Variants in SPRYD3 observed in about 807,000 individuals in gnomAD.
The protein encoded by SPRYD3 is SPRY domain-containing protein 3.
A neutral mutation model predicts 50.1 loss-of-function variants in SPRYD3; 17 were observed. The ratio of observed to expected loss-of-function variants is 0.34; its 90% CI spans 0.23 to 0.51. The LOEUF is 0.51. Among genes scored for constraint, SPRYD3 ranks in the 20% least tolerant of loss-of-function variants. The probability of loss-of-function intolerance (pLI) is 0.97; values close to 1 mark genes in which losing one functional copy is unlikely to be tolerated. For synonymous variants in SPRYD3, 198 were observed against 215.5 expected, an observed-to-expected ratio of 0.92 and a Z score of 0.71; for missense variants, 401 against 591.2, an observed-to-expected ratio of 0.68 and a Z score of 3.34.
intron 10 of SPRYD3, 46 bp downstream of exon 10, chr12:53,066,268 C>A: frequency 6.3e-7 from 1 of 1,594,976 alleles, no homozygotes; most frequent in South Asian, 1.2e-5. Context: ...CCACCCTTTG[C>A]CCAGACCCAA....
In SPRYD3 at chr12:53,075,006, A is replaced by G. The variant is rs539044809; in HGVS notation, c.371+89T>C. 5.2e-6 allele frequency: 8 copies of G among 1,553,392 alleles called. No individual in the cohort carries two copies. The African/African-American group carries it at 8.1e-5, about 16-fold the overall frequency. On this transcript the variant is annotated intron_variant, in intron 4 of 10. Transcript: ENST00000301463. ...GACCAGAAAAGTCTATGAAACACCCAATGGGAAAAGCCAGCCCAAGGTAGT... is the reference window on the plus strand; with the variant it reads ...GACCAGAAAAGTCTATGAAACACCCGATGGGAAAAGCCAGCCCAAGGTAGT...
At chr12:53,067,537 G>T in intron 8 of SPRYD3, 111 bp downstream of exon 8, 1 of 1,007,482 alleles carries the variant, frequency 9.9e-7, no homozygotes. Flanking sequence ...TCAGCCAGCA[G>T]CAGGGCAAAC....
At chr12:53,069,858 T>C (rs1184185742) in intron 6 of SPRYD3, among the ~76,000 whole-genome samples, 1 of 152,138 alleles carries the variant, frequency 6.6e-6, no homozygotes, top group African/African-American at 2.4e-5. Context: ...ATTGCAGAAC[T>C]GGGTGGGGGA....
chr12:53,076,934 G>A (rs1256725730), intron 2 of SPRYD3, among the ~76,000 whole-genome samples, 181 bp downstream of exon 2: 2 of 151,308 alleles, frequency 1.3e-5, no homozygotes, highest in Middle Eastern at 3.2e-3. Context: ...GGGTGACAGA[G>A]CGAGACTCTG....
intron 6 of SPRYD3, among the ~76,000 whole-genome samples, chr12:53,070,997 G>A (rs1420499131): frequency 6.6e-6 from 1 of 152,082 alleles, no homozygotes; most frequent in Non-Finnish European, 1.5e-5. Flanking sequence ...ACCAGAGTGT[G>A]GACAGTCTCG....
At position 53,065,885 on chromosome 12, in the gene SPRYD3, T is replaced by G. The variant is rs1944500400; in HGVS notation, c.1276A>C (p.Met426Leu). ...TTGACTTTCTCCCCGCAGCTCAGCA[T>G]TCCAATGGTGGGGAAGAAGCCTCCA... ...PSGGFFPTIG[M>L]LSCGEKVKVD... Residue 426 changes from methionine (M) to leucine (L), a missense_variant, in exon 11 of 11, where the codon ATG (methionine) becomes CTG (leucine). By Grantham distance (15) the Met-to-Leu change is conservative. Transcript: ENST00000301463. 1 of 1,614,012 alleles carries G rather than the reference T, an allele frequency of 6.2e-7. No individual in the cohort carries two copies.
Position 53,073,333 on chromosome 12 carries a change from A to C in SPRYD3, c.646T>G (p.Tyr216Asp), listed in dbSNP as rs1443649794. 1 of 1,546,366 alleles carries C rather than the reference A, an allele frequency of 6.5e-7. No homozygotes were observed. The highest frequency in any genetic ancestry group is 1.9e-5 in the Admixed American group (1 of 53,458). The change falls in exon 6 of 11, where the codon TAC (tyrosine) becomes GAC (aspartate). Residue 216 changes from tyrosine to aspartate, a missense_variant. By Grantham distance (160) the Tyr-to-Asp change is radical. Coordinates refer to ENST00000301463, the MANE Select transcript of SPRYD3 (RefSeq NM_032840.3). Reference sequence around the variant, plus strand: ...TGTAGCCGGCCCCATTCATCCTCGTAACTGTCCACCATCATGACGCTGTCG... The same window carrying C: ...TGTAGCCGGCCCCATTCATCCTCGTCACTGTCCACCATCATGACGCTGTCG... ...EDDSVMMVDS[Y>D]EDEWGRLHDV...
chr12:53,071,057 C>T (rs1295544105), intron 6 of SPRYD3, among the ~76,000 whole-genome samples: 2 of 152,170 alleles, frequency 1.3e-5, no homozygotes, highest in African/African-American at 4.8e-5. Context: ...GCCTCTTCTC[C>T]CCTGCCGGTA....
intron 6 of SPRYD3, 88 bp from the exon 7 acceptor site, chr12:53,068,392 C>T (rs1944525638): frequency 6.7e-7 from 1 of 1,489,548 alleles, no homozygotes; most frequent in East Asian, 2.3e-5. Flanking sequence ...GTCCCACTTT[C>T]CCAGGTCTGA....
At position 53,074,178 on chromosome 12, in the gene SPRYD3, C is replaced by A. The variant is rs1425205721; in HGVS notation, c.507+471G>T. Among the ~76,000 whole-genome samples, 1 of 152,174 alleles carries A rather than the reference C, an allele frequency of 6.6e-6. No homozygotes were observed. The highest frequency in any genetic ancestry group is 2.4e-5 in the African/African-American group (1 of 41,430). On this transcript the variant is annotated intron_variant, in intron 5 of 10. Coordinates refer to ENST00000301463, the MANE Select transcript of SPRYD3 (RefSeq NM_032840.3). This position sits in a 1 kb window ranked among gnomAD's most constrained non-coding sequence, Gnocchi z 4.6. ...GTCTCTCTCTACTATTGGCTCCTGTCCCATCTCCTCACCACGCCTAGTCTC... is the reference window on the plus strand; with the variant it reads ...GTCTCTCTCTACTATTGGCTCCTGTACCATCTCCTCACCACGCCTAGTCTC...
chr12:53,066,598 G>C lies in SPRYD3; in HGVS notation c.996C>G (p.Pro332=). 6.2e-7 allele frequency: 1 copy of C among 1,613,968 alleles called. No individual in the cohort carries two copies. Among genetic ancestry groups the C allele is most frequent in the Non-Finnish European group, 8.5e-7 (1 of 1,179,942 alleles). ...GDIMGCGIMF[P]RDYILDSEGD... Reference sequence around the variant, plus strand: ...CCTCACTGTCCAAAATGTAGTCCCGGGGGAACATGATTCCACAGCCCATGA... The same window carrying C: ...CCTCACTGTCCAAAATGTAGTCCCGCGGGAACATGATTCCACAGCCCATGA... Residue 332 remains proline, a synonymous_variant, in exon 9 of 11, where the codon CCC becomes CCG. Coordinates refer to ENST00000301463, the MANE Select transcript of SPRYD3 (RefSeq NM_032840.3).
At position 53,065,865 on chromosome 12, in the gene SPRYD3, T is replaced by C; in HGVS notation, c.1296A>G (p.Lys432=). 1 of 1,613,714 alleles carries C rather than the reference T, an allele frequency of 6.2e-7. No individual in the cohort carries two copies. The highest frequency in any genetic ancestry group is 8.5e-7 in the Non-Finnish European group (1 of 1,179,870). ...PTIGMLSCGE[K]VKVDLHPLSG ...TCAAGGGGTGCAGATCTACTTTGACTTTCTCCCCGCAGCTCAGCATTCCAA... is the reference window on the plus strand; with the variant it reads ...TCAAGGGGTGCAGATCTACTTTGACCTTCTCCCCGCAGCTCAGCATTCCAA... The change falls in exon 11 of 11, where the codon AAA becomes AAG. Residue 432 remains lysine (K), a synonymous_variant. Coordinates refer to ENST00000301463, the MANE Select transcript of SPRYD3 (RefSeq NM_032840.3).
intron 2 of SPRYD3, among the ~76,000 whole-genome samples, chr12:53,076,727 C>G (rs984960307): frequency 2.6e-4 from 40 of 152,108 alleles, no homozygotes; most frequent in African/African-American, 9.2e-4. Context: ...GCGGGTGGAT[C>G]ACTTGAAGTC....
intron 8 of SPRYD3, 39 bp from the exon 9 acceptor site, chr12:53,066,731 G>C: frequency 6.4e-7 from 1 of 1,571,318 alleles, no homozygotes; most frequent in Non-Finnish European, 8.6e-7. Context: ...CTTGAGGAAG[G>C]AGGGCTGACA....
At chr12:53,069,646 A>G (rs1426175845) in intron 6 of SPRYD3, among the ~76,000 whole-genome samples, 1 of 152,148 alleles carries the variant, frequency 6.6e-6, no homozygotes, top group Non-Finnish European at 1.5e-5. Context: ...ATGAGGGGGA[A>G]AGCAGCATGC....
chr12:53,077,207 AT>A lies in SPRYD3; in HGVS notation c.77del (p.Asn26IlefsTer26). On this transcript the variant is annotated frameshift_variant, in exon 2 of 11. Transcript: ENST00000301463. LOFTEE classifies it high-confidence loss of function. Reference protein sequence around the residue: ...DDLNLHYRFLNWRRRIREIRE... With the variant: ...DDLNLHYRFLXWRRRIREIRE... ...GAATCTCCCGGATCCGCCGGCGCCA[AT>A]TCAGAAACCGGTAGTGCAGGTTGAG... The A allele has an allele frequency of 6.2e-7, 1 of 1,614,222 alleles. No homozygotes were observed. The highest frequency in any genetic ancestry group is 8.5e-7 in the Non-Finnish European group (1 of 1,180,040).
At chr12:53,078,936 G>A (rs1944610978) in intron 1 of SPRYD3, among the ~76,000 whole-genome samples, 1 of 152,220 alleles carries the variant, frequency 6.6e-6, no homozygotes, top group African/African-American at 2.4e-5. Context: ...GTAGGCACCT[G>A]TGGGACAGAC....
chr12:53,068,362 C>A (rs1944525435), intron 6 of SPRYD3, 58 bp from the exon 7 acceptor site: 8 of 1,597,634 alleles, frequency 5.0e-6, no homozygotes, highest in Non-Finnish European at 6.8e-6. Context: ...CCCTGGAAAC[C>A]TGGGCCCAAG....
Position 53,074,480 on chromosome 12 carries a change from C to G in SPRYD3, c.507+169G>C, listed in dbSNP as rs904625780. Among the ~76,000 whole-genome samples, 3 of 152,224 alleles carry G rather than the reference C, an allele frequency of 2.0e-5. No homozygotes were observed. Among genetic ancestry groups the G allele is most frequent in the Non-Finnish European group, 4.4e-5 (3 of 68,050 alleles). ...TTCCTCTGGCCATGGGAAGTATCTTCTCCTACACGCAAGAGACTTCAGGAG... is the reference window on the plus strand; with the variant it reads ...TTCCTCTGGCCATGGGAAGTATCTTGTCCTACACGCAAGAGACTTCAGGAG... On this transcript the variant is annotated intron_variant, in intron 5 of 10. Transcript: ENST00000301463. This position sits in a 1 kb window ranked among gnomAD's most constrained non-coding sequence, Gnocchi z 4.6.
Sources: allele counts gnomAD v4.1 joint callset (sites outside exome capture counted in the v4.1 genomes callset), GRCh38; gene constraint gnomAD v4.1.1; non-coding constraint Gnocchi (gnomAD v3.1); transcripts MANE v1.5; gene names NCBI Gene and HGNC (gene_info 2026-07-23, HGNC 2026-07-21).